The following UHMK1 variants were observed in gnomAD, a reference collection of about 807,000 sequenced individuals.
The protein encoded by UHMK1 is U2AF homology motif kinase 1.
Under a neutral mutation model 44.0 loss-of-function variants are expected in UHMK1, and 18 were observed. The ratio of observed to expected loss-of-function variants is 0.41; its 90% confidence interval spans 0.28 to 0.61. The LOEUF (loss-of-function observed/expected upper bound fraction) is 0.61, where lower values mean the gene tolerates loss of function less well. UHMK1 is among the 20% of genes least tolerant of loss of function. The pLI, the probability that UHMK1 is intolerant of heterozygous loss-of-function variation, is 0.31. For synonymous variants in UHMK1, 231 were observed against 198.5 expected (o/e 1.16, Z -1.38); for missense variants, 463 against 522.5 (o/e 0.89, Z 1.11).
At position 162,528,313 on chromosome 1, in the gene UHMK1, A is replaced by G. The variant is rs1319679159; in HGVS notation, c.*5763A>G. 3.3e-5 allele frequency: 5 copies of G among 152,052 alleles called. No individual in the cohort carries two copies. The highest frequency in any genetic ancestry group is 5.9e-5 in the Non-Finnish European group (4 of 67,950). The allele number at this position is 152,052 out of a possible 1,614,324, so 9.4% of individuals were successfully genotyped here. A position where few individuals can be genotyped will look rare whatever the true frequency, so the allele number is the denominator to read the frequency against. The stretch of plus-strand genomic sequence containing the variant: ...CCCTTACTGGTCTTAGTAATCTTCT[A>G]TATAGTTAATGAGCTAAAAAATGAT... On this transcript the variant is annotated 3_prime_UTR_variant, in exon 8 of 8. Transcript: ENST00000489294.
intron 4 of UHMK1, among the ~76,000 whole-genome samples, chr1:162,511,692 T>A (rs1034719288): frequency 6.6e-6 from 1 of 152,200 alleles, no homozygotes; most frequent in Non-Finnish European, 1.5e-5. Context: ...GTTGTGCAGC[T>A]TTTCTCTTGT....
chr1:162,505,947 A>G (rs907428736), intron 4 of UHMK1, among the ~76,000 whole-genome samples: 1 of 152,198 alleles, frequency 6.6e-6, no homozygotes, highest in Non-Finnish European at 1.5e-5. Flanking sequence ...TTTTTACATA[A>G]CTGTAGTATA....
chr1:162,497,947 G>C lies in UHMK1; in HGVS notation c.-54G>C. 1 of 1,436,736 alleles carries C rather than the reference G, an allele frequency of 7.0e-7. No individual in the cohort carries two copies. The allele number at this position is 1,436,736 out of a possible 1,614,324, so 89.0% of individuals were successfully genotyped here. On this transcript the variant is annotated 5_prime_UTR_variant, in exon 1 of 8. Coordinates refer to ENST00000489294, the MANE Select transcript of UHMK1 (RefSeq NM_175866.5). The stretch of plus-strand genomic sequence containing the variant: ...CGGAGATGTGACCGCGGGCCCGGCC[G>C]GCCTGCCTCAGGCGTCGCGTCAGCT...
intron 7 of UHMK1, among the ~76,000 whole-genome samples, chr1:162,521,358 G>T (rs1652052386): frequency 6.6e-6 from 1 of 152,016 alleles, no homozygotes; most frequent in Non-Finnish European, 1.5e-5. Context: ...TTCTATAAAT[G>T]CATGTCTACT....
At chr1:162,497,650 G>A (rs1488715141), upstream of UHMK1, among the ~76,000 whole-genome samples, 1 of 152,152 alleles carries the variant, frequency 6.6e-6, no homozygotes, top group African/African-American at 2.4e-5. Flanking sequence ...CTATGTGAAA[G>A]CGGTTAACAC....
At chr1:162,503,487 T>C (rs989387821) in intron 3 of UHMK1, among the ~76,000 whole-genome samples, 6 of 151,836 alleles carry the variant, frequency 4.0e-5, no homozygotes, top group Non-Finnish European at 8.8e-5. Context: ...GGCACACACC[T>C]ATATTTCCAG....
intron 2 of UHMK1, chr1:162,500,619 C>G: frequency 2.4e-6 from 1 of 415,764 alleles, no homozygotes; most frequent in Non-Finnish European, 4.3e-6. Flanking sequence ...GCCAAATCCT[C>G]TTTTCTCCAT....
rs866277611 is a variant in UHMK1, at chr1:162,518,964, G to A, written c.1113+774G>A. Among the ~76,000 whole-genome samples, 3 of 150,702 alleles carry A rather than the reference G, an allele frequency of 2.0e-5. No individual in the cohort carries two copies. The South Asian group carries it at 6.3e-4, about 32-fold the overall frequency. ...AGGTCATGCCACTGCACTCCAGCCT[G>A]GGCAACAGTGTGAGACTCCATCTCA... On this transcript the variant is annotated intron_variant, in intron 7 of 7. Transcript: ENST00000489294.
chr1:162,512,093 T>C (rs986057667), intron 4 of UHMK1, among the ~76,000 whole-genome samples: 5 of 151,600 alleles, frequency 3.3e-5, no homozygotes, highest in Admixed American at 6.6e-5. Context: ...GTTTTTGTTA[T>C]AGATATTGTC....
rs1652302479 is a variant in UHMK1 at position 162,527,815 on chromosome 1, T to C, written c.*5265T>C. On this transcript the variant is annotated 3_prime_UTR_variant, in exon 8 of 8. Coordinates refer to ENST00000489294, the MANE Select transcript of UHMK1 (RefSeq NM_175866.5). ...AAGGCAAAGAGAAGCATTCTACTTA[T>C]TTGTCTTATAAACCATTAATCGTTT... is the stretch of plus-strand genomic sequence containing the variant. 1 of 152,066 alleles carries C rather than the reference T, an allele frequency of 6.6e-6. No homozygotes were observed. The highest frequency in any genetic ancestry group is 2.1e-4 in the South Asian group (1 of 4,832). 9.4% of individuals were successfully genotyped at this position (152,066 alleles called of 1,614,324 possible).
At chr1:162,516,643 A>T (rs928088965) in intron 6 of UHMK1, among the ~76,000 whole-genome samples, 4 of 152,230 alleles carry the variant, frequency 2.6e-5, no homozygotes, top group African/African-American at 9.6e-5. Context: ...CCTAAGAAAG[A>T]TTAAAAGACA....
rs1652291925 is a variant in UHMK1 at position 162,527,479 on chromosome 1, C to A, written c.*4929C>A. 6.6e-6 allele frequency: 1 copy of A among 152,078 alleles called. No individual in the cohort carries two copies. Among genetic ancestry groups the A allele is most frequent in the Non-Finnish European group, 1.5e-5 (1 of 67,950 alleles). The allele number at this position is 152,078 out of a possible 1,614,324, so 9.4% of individuals were successfully genotyped here. A position where few individuals can be genotyped will look rare whatever the true frequency, so the allele number is the denominator to read the frequency against. On this transcript the variant is annotated 3_prime_UTR_variant, in exon 8 of 8. Coordinates refer to ENST00000489294, the MANE Select transcript of UHMK1 (RefSeq NM_175866.5). ...CAGGATATAAGATAGTTTACACAAA[C>A]TTTATTCTCCTGATAGGAAATTTTT... is the stretch of plus-strand genomic sequence containing the variant.
At chr1:162,505,888 A>G (rs1273255258) in intron 4 of UHMK1, among the ~76,000 whole-genome samples, 1 of 152,196 alleles carries the variant, frequency 6.6e-6, no homozygotes. Context: ...CTTTGCAAAA[A>G]TGTTACAGAG....
Position 162,524,872 on chromosome 1 carries a change from A to G in UHMK1, c.*2322A>G, listed in dbSNP as rs1652188459. ...ATAATTGATGAGCCTTGAATTAACC[A>G]TGCATTTAATTAGATTTTTTGTTGT... On this transcript the variant is annotated 3_prime_UTR_variant, in exon 8 of 8. Transcript: ENST00000489294. 1 of 152,098 alleles carries G rather than the reference A, an allele frequency of 6.6e-6. No individual in the cohort carries two copies. Among genetic ancestry groups the G allele is most frequent in the South Asian group, 2.1e-4 (1 of 4,838 alleles). The allele number at this position is 152,098 out of a possible 1,614,324, so 9.4% of individuals were successfully genotyped here.
At chr1:162,497,179 C>G, upstream of UHMK1, 1 of 661,328 alleles carries the variant, frequency 1.5e-6, no homozygotes, top group Non-Finnish European at 2.7e-6. Context: ...GTCATAAGAA[C>G]TTGTGGAGAC....
intron 4 of UHMK1, among the ~76,000 whole-genome samples, chr1:162,510,028 A>G (rs1389744596): frequency 6.6e-6 from 1 of 152,146 alleles, no homozygotes; most frequent in Non-Finnish European, 1.5e-5. Flanking sequence ...TATGCCACAA[A>G]CACTTCAGTA....
At position 162,503,773 on chromosome 1, in the gene UHMK1, T is replaced by C; in HGVS notation, c.773T>C (p.Ile258Thr). ...QEWKANSSAI[I>T]DHIFASKAVV... ...TTTAAGGCAAACAGTTCTGCTATTA[T>C]TGATCACATATTTGCCAGTAAAGCA... The change falls in exon 4 of 8, where the codon ATT (isoleucine) becomes ACT (threonine). Residue 258 changes from isoleucine (I) to threonine (T), a missense_variant. This residue lies in a region of UHMK1 where 264 missense variants were observed against 326.3 expected (regional missense o/e 0.81). Transcript: ENST00000489294. The C allele has an allele frequency of 6.2e-7, 1 of 1,614,118 alleles. No individual in the cohort carries two copies. The highest frequency in any genetic ancestry group is 8.5e-7 in the Non-Finnish European group (1 of 1,179,994).
chr1:162,502,403 C>A (rs1479523362), intron 3 of UHMK1, among the ~76,000 whole-genome samples: 2 of 152,132 alleles, frequency 1.3e-5, no homozygotes, highest in South Asian at 2.1e-4. Context: ...GTACCTGATG[C>A]TTTTATGGGT....
intron 4 of UHMK1, among the ~76,000 whole-genome samples, chr1:162,510,638 T>G (rs961169177): frequency 1.3e-5 from 2 of 151,244 alleles, no homozygotes; most frequent in Admixed American, 6.6e-5. Context: ...TGTTTTTTGT[T>G]TTTTTTTTAC....
Sources: allele counts gnomAD v4.1 joint callset (sites outside exome capture counted in the v4.1 genomes callset), GRCh38; gene constraint gnomAD v4.1.1; regional missense constraint gnomAD v4.1.1; transcripts MANE v1.5; gene names NCBI Gene and HGNC (gene_info 2026-07-23, HGNC 2026-07-21).